GPR137C: variants seen among roughly 807,000 people sequenced by gnomAD.
GPR137C encodes the protein G protein-coupled receptor 137C.
Under a neutral mutation model 43.4 loss-of-function variants are expected in GPR137C, and 27 were observed. That is an observed-to-expected ratio of 0.62 (90% CI 0.46 to 0.86). The LOEUF (loss-of-function observed/expected upper bound fraction) is 0.86, where lower values mean the gene tolerates loss of function less well. Ranked by LOEUF, GPR137C falls within the 40% of genes least tolerant of loss-of-function variation. GPR137C has a pLI of 0.00. For missense variants in GPR137C, 522 were observed against 534.6 expected (o/e 0.98, Z 0.23); for synonymous variants, 285 against 226.9 (o/e 1.26, Z -2.30).
Position 52,612,055 on chromosome 14 carries a change from G to A in GPR137C, c.717+11714G>A, listed in dbSNP as rs1009642875. 13 of 984,928 alleles carry A rather than the reference G, an allele frequency of 1.3e-5. No homozygotes were observed. The South Asian group carries it at 3.3e-4, about 25-fold the overall frequency. The allele number at this position is 984,928 out of a possible 1,614,324, so 61.0% of individuals were successfully genotyped here. On this transcript the variant is annotated intron_variant, in intron 3 of 6. Coordinates refer to ENST00000321662, the MANE Select transcript of GPR137C (RefSeq NM_001099652.2). ...TTTCTTTTGTTTTTCACTGTTATTT[G>A]TCTGTTAACTGGTTTTATTTCTACC...
intron 3 of GPR137C, among the ~76,000 whole-genome samples, chr14:52,629,812 A>T (rs757329130): frequency 6.6e-6 from 1 of 152,210 alleles, no homozygotes; most frequent in Non-Finnish European, 1.5e-5. Context: ...GTGTCTGCAT[A>T]TCTGCGTTCT....
At chr14:52,596,343 G>T (rs1021992477) in intron 1 of GPR137C, among the ~76,000 whole-genome samples, 1 of 152,228 alleles carries the variant, frequency 6.6e-6, no homozygotes, top group Non-Finnish European at 1.5e-5. Flanking sequence ...GAGAATCACT[G>T]CTCTCTTCCG....
chr14:52,583,034 A>G (rs1185033920), intron 1 of GPR137C, among the ~76,000 whole-genome samples: 2 of 152,168 alleles, frequency 1.3e-5, no homozygotes, highest in Non-Finnish European at 2.9e-5. Context: ...AAAATTCTTT[A>G]TACTTTCATA....
chr14:52,567,841 G>C (rs1455436010), intron 1 of GPR137C, among the ~76,000 whole-genome samples: 1 of 151,938 alleles, frequency 6.6e-6, no homozygotes, highest in Non-Finnish European at 1.5e-5. Flanking sequence ...TGCATTTTTA[G>C]TAGAGACAGG....
chr14:52,633,661 A>G lies in GPR137C; in HGVS notation c.993+6A>G, dbSNP rs1193778937. On this transcript the variant is annotated splice_donor_region_variant and intron_variant, in intron 5 of 6. Coordinates refer to ENST00000321662, the MANE Select transcript of GPR137C (RefSeq NM_001099652.2). The stretch of plus-strand genomic sequence containing the variant: ...AGAGATTAAACCAGAATTTGGTATG[A>G]TATAATATTCCCCAATGCCTGTTCT... The G allele has an allele frequency of 6.2e-7, 1 of 1,612,520 alleles. No homozygotes were observed. The highest frequency in any genetic ancestry group is 8.5e-7 in the Non-Finnish European group (1 of 1,179,018).
At chr14:52,563,724 T>TATA (rs1467888094) in intron 1 of GPR137C, among the ~76,000 whole-genome samples, 1 of 152,212 alleles carries the variant, frequency 6.6e-6, no homozygotes, top group Non-Finnish European at 1.5e-5. Flanking sequence ...ATTATCTATA[T>TATA]AATTCAGAAA....
At chr14:52,627,758 C>T (rs577776153) in intron 3 of GPR137C, among the ~76,000 whole-genome samples, 25 of 152,150 alleles carry the variant, frequency 1.6e-4, no homozygotes, top group East Asian at 1.9e-4. Context: ...GCAGGAGAAT[C>T]GCTTGAACCT....
rs534039274 is a variant in GPR137C at position 52,558,467 on chromosome 14, T to A, written c.444+4876T>A. Among the ~76,000 whole-genome samples the A allele has an allele frequency of 4.6e-5, 7 of 152,266 alleles. No homozygotes were observed. In the East Asian group the frequency reaches 9.7e-4, roughly 21 times the overall value. On this transcript the variant is annotated intron_variant, in intron 1 of 6. Transcript: ENST00000321662. ...GCCTAAATTCACATCAGTTCTGTGA[T>A]TGAGAGGAGCAGACTGGGGGGTTTC... is the stretch of plus-strand genomic sequence containing the variant.
At chr14:52,569,988 G>A (rs1461113476) in intron 1 of GPR137C, among the ~76,000 whole-genome samples, 5 of 152,058 alleles carry the variant, frequency 3.3e-5, no homozygotes, top group Non-Finnish European at 1.5e-5. Flanking sequence ...TTCAGGAAAT[G>A]CAGAGAACAC....
chr14:52,604,476 CTG>C (rs898582671), intron 3 of GPR137C, among the ~76,000 whole-genome samples: 2 of 151,150 alleles, frequency 1.3e-5, no homozygotes, highest in African/African-American at 4.9e-5. Context: ...GAGTCTAGCT[CTG>C]TCTGTCACCC....
At chr14:52,571,420 AAAAAG>A (rs1566605634) in intron 1 of GPR137C, among the ~76,000 whole-genome samples, 2 of 152,212 alleles carry the variant, frequency 1.3e-5, no homozygotes, top group East Asian at 3.9e-4. Context: ...TGTCACAACT[AAAAAG>A]AACTAGAGAG....
Position 52,635,342 on chromosome 14 carries a change from G to A in GPR137C, c.*227G>A. The A allele has an allele frequency of 2.7e-6, 1 of 363,746 alleles. No individual in the cohort carries two copies. The highest frequency in any genetic ancestry group is 4.9e-6 in the Non-Finnish European group (1 of 204,660). 22.5% of individuals were successfully genotyped at this position (363,746 alleles called of 1,614,324 possible). A position where few individuals can be genotyped will look rare whatever the true frequency, so the allele number is the denominator to read the frequency against. ...GGAGAAAAGAGAGATTAGATCTTAAGGCACTTGATGGCCTCCAAAAATCCT... is the reference window on the plus strand; with the variant it reads ...GGAGAAAAGAGAGATTAGATCTTAAAGCACTTGATGGCCTCCAAAAATCCT... On this transcript the variant is annotated 3_prime_UTR_variant, in exon 7 of 7. Transcript: ENST00000321662.
In GPR137C at chr14:52,577,218, C is replaced by T. The variant is rs1210601517; in HGVS notation, c.445-21054C>T. ...AAAAAAAAAAAAAAAAAAAAAGATA[C>T]CTGGAAATTAAACATCTGCTCCTGA... On this transcript the variant is annotated intron_variant, in intron 1 of 6. Coordinates refer to ENST00000321662, the MANE Select transcript of GPR137C (RefSeq NM_001099652.2). 2.7e-4 allele frequency among the ~76,000 whole-genome samples: 33 copies of T among 121,548 alleles called. 1 individual carries two copies. The South Asian group carries it at 9.1e-3, about 33-fold the overall frequency. The allele number at this position is 121,548 out of a possible 152,430, so 79.7% of individuals were successfully genotyped here.
intron 1 of GPR137C, among the ~76,000 whole-genome samples, chr14:52,578,871 G>A (rs142909279): frequency 6.6e-6 from 1 of 152,012 alleles, no homozygotes; most frequent in Non-Finnish European, 1.5e-5. Flanking sequence ...TTGAACCTAG[G>A]AGGCCGAGTT....
At chr14:52,570,165 G>A (rs548291782) in intron 1 of GPR137C, among the ~76,000 whole-genome samples, 2 of 152,306 alleles carry the variant, frequency 1.3e-5, no homozygotes, top group South Asian at 2.1e-4. Context: ...AACCCTATAA[G>A]CCAGAAGAGA....
At chr14:52,620,841 T>G (rs769502992) in intron 3 of GPR137C, among the ~76,000 whole-genome samples, 1 of 151,938 alleles carries the variant, frequency 6.6e-6, no homozygotes, top group Non-Finnish European at 1.5e-5. Context: ...GTCAGTTCAC[T>G]TAAAGATAAA....
chr14:52,564,444 C>T lies in GPR137C; in HGVS notation c.444+10853C>T, dbSNP rs146733353. Among the ~76,000 whole-genome samples, 88 of 152,142 alleles carry T rather than the reference C, an allele frequency of 5.8e-4. No homozygotes were observed. In the East Asian group the frequency reaches 0.016, roughly 27 times the overall value. ...CAGCCACATTAAACATTATTTTAGT[C>T]CTCTACTTGCCATATTCCTTCTGCC... On this transcript the variant is annotated intron_variant, in intron 1 of 6. Transcript: ENST00000321662.
Position 52,626,997 on chromosome 14 carries a change from C to T in GPR137C, c.718-5163C>T, listed in dbSNP as rs539442288. 8.5e-5 allele frequency among the ~76,000 whole-genome samples: 13 copies of T among 152,232 alleles called. No individual in the cohort carries two copies. In the South Asian group the frequency reaches 2.1e-3, roughly 24 times the overall value. Reference sequence around the variant, plus strand: ...AATTAGTGAAGAGATATACCATGTTCGTGGATTAGAAGATGCAGTATCATT... The same window carrying T: ...AATTAGTGAAGAGATATACCATGTTTGTGGATTAGAAGATGCAGTATCATT... On this transcript the variant is annotated intron_variant, in intron 3 of 6. Coordinates refer to ENST00000321662, the MANE Select transcript of GPR137C (RefSeq NM_001099652.2).
intron 3 of GPR137C, among the ~76,000 whole-genome samples, chr14:52,630,050 AT>A (rs1201798658): frequency 1.3e-5 from 2 of 152,136 alleles, no homozygotes; most frequent in Non-Finnish European, 2.9e-5. Context: ...AACACTTTCT[AT>A]GTCGCTGGAT....
Sources: allele counts gnomAD v4.1 joint callset (sites outside exome capture counted in the v4.1 genomes callset), GRCh38; gene constraint gnomAD v4.1.1; transcripts MANE v1.5; gene names NCBI Gene and HGNC (gene_info 2026-07-23, HGNC 2026-07-21).